Variants in FAM110B observed in about 807,000 individuals in gnomAD.
The protein encoded by FAM110B is family with sequence similarity 110 member B, also known as protein FAM110B.
Under a neutral mutation model 20.4 loss-of-function variants are expected in FAM110B, and 6 were observed. The ratio of observed to expected loss-of-function variants is 0.29; its 90% CI spans 0.16 to 0.58. The LOEUF (loss-of-function observed/expected upper bound fraction) is 0.58. FAM110B is among the 20% of genes least tolerant of loss of function. The probability of loss-of-function intolerance (pLI) is 0.90; values close to 1 mark genes in which losing one functional copy is unlikely to be tolerated. For synonymous variants in FAM110B, 226 were observed against 214.1 expected, an observed-to-expected ratio of 1.06 and a Z score of -0.49; for missense variants, 434 against 498.2, an observed-to-expected ratio of 0.87 and a Z score of 1.23.
chr8:58,007,204 G>T (rs528070267), intron 1 of FAM110B, among the ~76,000 whole-genome samples: 2 of 152,140 alleles, frequency 1.3e-5, no homozygotes, highest in Non-Finnish European at 2.9e-5. Context: ...CCAAGTCACT[G>T]CCTGGTGTAA....
intron 3 of FAM110B, among the ~76,000 whole-genome samples, chr8:58,114,278 T>A (rs1179733128): frequency 6.6e-6 from 1 of 152,240 alleles, no homozygotes; most frequent in Admixed American, 6.5e-5. Flanking sequence ...ACAGTTGCTA[T>A]TCCTCGATAG....
intron 2 of FAM110B, among the ~76,000 whole-genome samples, chr8:58,064,578 C>G (rs1192729477): frequency 6.6e-6 from 1 of 152,050 alleles, no homozygotes; most frequent in Admixed American, 6.6e-5. Flanking sequence ...ACATCTTTTT[C>G]AGGGAGAGTG....
chr8:58,048,385 T>C (rs1805373241), intron 2 of FAM110B, among the ~76,000 whole-genome samples: 1 of 152,186 alleles, frequency 6.6e-6, no homozygotes, highest in Non-Finnish European at 1.5e-5. Context: ...CCTTTGCCTC[T>C]GTGGGGGAAT....
chr8:58,071,680 C>T (rs1047273190), intron 2 of FAM110B, among the ~76,000 whole-genome samples: 32 of 151,930 alleles, frequency 2.1e-4, no homozygotes, highest in Non-Finnish European at 2.9e-5. Context: ...CAAAATGCAT[C>T]CAAATAACAT....
At chr8:58,080,717 A>G (rs951864185) in intron 3 of FAM110B, among the ~76,000 whole-genome samples, 2 of 152,178 alleles carry the variant, frequency 1.3e-5, no homozygotes, top group African/African-American at 2.4e-5. Context: ...GTGTGTATCT[A>G]TGTTCAGAGA....
chr8:58,148,350 A>G lies in FAM110B; in HGVS notation c.*1007A>G, dbSNP rs1403539784. On this transcript the variant is annotated 3_prime_UTR_variant, in exon 4 of 4. Transcript: ENST00000519262. ...GAGCCTTCCATTCAAAAGTGAACACACTTGGTAGCTGAACCATATCTGAGC... is the reference window on the plus strand; with the variant it reads ...GAGCCTTCCATTCAAAAGTGAACACGCTTGGTAGCTGAACCATATCTGAGC... 1.8e-5 allele frequency: 3 copies of G among 166,994 alleles called. No individual in the cohort carries two copies. The highest frequency in any genetic ancestry group is 4.4e-5 in the Non-Finnish European group (3 of 68,104). The allele number at this position is 166,994 out of a possible 1,614,324, so 10.3% of individuals were successfully genotyped here. A position where few individuals can be genotyped will look rare whatever the true frequency, so the allele number is the denominator to read the frequency against.
chr8:58,058,240 C>G (rs557376487), intron 2 of FAM110B, among the ~76,000 whole-genome samples: 1 of 151,420 alleles, frequency 6.6e-6, no homozygotes, highest in South Asian at 2.1e-4. Context: ...GAGGAAGGAA[C>G]AGAACAGAGA....
chr8:58,114,423 A>G (rs547816391), intron 3 of FAM110B, among the ~76,000 whole-genome samples: 23 of 152,340 alleles, frequency 1.5e-4, no homozygotes, highest in African/African-American at 4.6e-4. Flanking sequence ...GGCTTTCCCA[A>G]GTGTATTCAC....
At chr8:58,022,263 C>T (rs1265613577) in intron 1 of FAM110B, among the ~76,000 whole-genome samples, 2 of 152,164 alleles carry the variant, frequency 1.3e-5, no homozygotes, top group Non-Finnish European at 2.9e-5. Context: ...TTATGCTAAG[C>T]AAAATAACCC....
intron 3 of FAM110B, among the ~76,000 whole-genome samples, chr8:58,135,209 A>G (rs900061587): frequency 6.6e-6 from 1 of 152,168 alleles, no homozygotes; most frequent in South Asian, 2.1e-4. Flanking sequence ...TAAAATGGGG[A>G]TAACAACACT....
At chr8:58,040,324 A>G (rs933842332) in intron 2 of FAM110B, among the ~76,000 whole-genome samples, 2 of 152,210 alleles carry the variant, frequency 1.3e-5, no homozygotes, top group African/African-American at 4.8e-5. Context: ...GCTTTCCTCT[A>G]ACGTTACCAA....
At chr8:58,102,089 C>A (rs899248187) in intron 3 of FAM110B, among the ~76,000 whole-genome samples, 2 of 152,200 alleles carry the variant, frequency 1.3e-5, no homozygotes, top group African/African-American at 4.8e-5. Flanking sequence ...TTTCATTCAA[C>A]AATGATAACT....
intron 3 of FAM110B, among the ~76,000 whole-genome samples, chr8:58,120,213 T>C (rs1424122297): frequency 6.6e-6 from 1 of 152,244 alleles, no homozygotes; most frequent in Admixed American, 6.5e-5. Flanking sequence ...CAGCGTACAG[T>C]TTTCTTAATG....
At chr8:58,140,785 C>T (rs1803727985) in intron 3 of FAM110B, among the ~76,000 whole-genome samples, 1 of 152,184 alleles carries the variant, frequency 6.6e-6, no homozygotes. Flanking sequence ...ATGAGGGATG[C>T]CCTCGCCTCC....
intron 3 of FAM110B, among the ~76,000 whole-genome samples, chr8:58,098,748 A>G (rs1806697865): frequency 6.7e-6 from 1 of 148,612 alleles, no homozygotes; most frequent in Non-Finnish European, 1.5e-5. Context: ...GCTGGAATGC[A>G]TAGCCCCTCA....
rs569128849 is a variant in FAM110B at position 58,028,301 on chromosome 8, C to T, written c.-511-3305C>T. Among the ~76,000 whole-genome samples, 62 of 152,106 alleles carry T rather than the reference C, an allele frequency of 4.1e-4. 1 individual carries two copies. The highest frequency in any genetic ancestry group is 3.2e-3 in the Middle Eastern group (1 of 316). On this transcript the variant is annotated intron_variant, in intron 1 of 3. Transcript: ENST00000519262. Reference sequence around the variant, plus strand: ...TGTATTTTTAGTAGAGACGGGGTTTCACCGTGTCAGCCAGGCTGGTCTTGA... The same window carrying T: ...TGTATTTTTAGTAGAGACGGGGTTTTACCGTGTCAGCCAGGCTGGTCTTGA...
At chr8:58,047,368 G>A (rs1231706561) in intron 2 of FAM110B, among the ~76,000 whole-genome samples, 1 of 152,146 alleles carries the variant, frequency 6.6e-6, no homozygotes, top group Non-Finnish European at 1.5e-5. Context: ...GATGTTTGTA[G>A]TAAGGTTTGG....
chr8:58,109,146 T>G (rs146904010), intron 3 of FAM110B, among the ~76,000 whole-genome samples: 1 of 152,308 alleles, frequency 6.6e-6, no homozygotes, highest in Non-Finnish European at 1.5e-5. Flanking sequence ...CTAGGAACTC[T>G]TACGTGTCTT....
chr8:58,138,518 G>A (rs556697364), intron 3 of FAM110B, among the ~76,000 whole-genome samples: 1 of 152,266 alleles, frequency 6.6e-6, no homozygotes, highest in South Asian at 2.1e-4. Context: ...GGCCTGTGTT[G>A]GGCTTTTTTG....
Sources: allele counts gnomAD v4.1 joint callset (sites outside exome capture counted in the v4.1 genomes callset), GRCh38; gene constraint gnomAD v4.1.1; transcripts MANE v1.5; gene names NCBI Gene and HGNC (gene_info 2026-07-23, HGNC 2026-07-21).